CPZ: variants seen among roughly 807,000 people sequenced by gnomAD.
CPZ encodes carboxypeptidase Z.
CPZ carries 103 observed loss-of-function variants against 61.8 expected under a neutral mutation model. That is an observed-to-expected ratio of 1.67 (90% CI 1.42 to 1.96). CPZ has a LOEUF of 1.96. Among genes scored for constraint, CPZ ranks in the 30% most tolerant of loss-of-function variants. The pLI is 0.00. For missense variants in CPZ, 1,461 were observed against 914.9 expected, an observed-to-expected ratio of 1.60 and a Z score of -7.70; for synonymous variants, 551 against 373.7, an observed-to-expected ratio of 1.47 and a Z score of -5.47.
At chr4:8,596,404 C>A (rs1560288306) in intron 1 of CPZ, among the ~76,000 whole-genome samples, 2 of 152,242 alleles carry the variant, frequency 1.3e-5, no homozygotes, top group Admixed American at 1.3e-4. Context: ...CCCTGGCAAA[C>A]AAACCCACCC....
intron 9 of CPZ, 64 bp from the exon 10 acceptor site, chr4:8,618,365 G>T: frequency 1.3e-6 from 2 of 1,514,744 alleles, no homozygotes; most frequent in South Asian, 1.1e-5. Context: ...GGAACGAGCT[G>T]ACGGCCTCCA....
rs182183508 is a variant in CPZ, at chr4:8,604,568, G to A, written c.709+380G>A. ...ACGATCTCGGCTCACTGCAACCTCTGCCTCCTGGGTTCAAGCAATTCTCCT... is the reference window on the plus strand; with the variant it reads ...ACGATCTCGGCTCACTGCAACCTCTACCTCCTGGGTTCAAGCAATTCTCCT... On this transcript the variant is annotated intron_variant, in intron 4 of 10. Transcript: ENST00000360986. Among the ~76,000 whole-genome samples the A allele has an allele frequency of 2.4e-3, 370 of 152,260 alleles. 3 individuals are homozygous for A. The highest frequency in any genetic ancestry group is 8.5e-3 in the African/African-American group (352 of 41,544).
chr4:8,602,844 C>G (rs1398911115), intron 3 of CPZ: 2 of 152,254 alleles, frequency 1.3e-5, no homozygotes, highest in Non-Finnish European at 2.9e-5. Flanking sequence ...GCATGTCTTG[C>G]AGCCTCTGGC....
intron 7 of CPZ, among the ~76,000 whole-genome samples, chr4:8,609,685 T>C (rs527335347): frequency 1.3e-5 from 2 of 152,354 alleles, no homozygotes; most frequent in Admixed American, 1.3e-4. Flanking sequence ...CCAGTGTGTC[T>C]CAGCCTCAGA....
In CPZ at chr4:8,607,431, A is replaced by G. The variant is rs752554011; in HGVS notation, c.1227+6A>G. 43 of 1,613,614 alleles carry G rather than the reference A, an allele frequency of 2.7e-5. No individual in the cohort carries two copies. Among genetic ancestry groups the G allele is most frequent in the Non-Finnish European group, 3.6e-5 (43 of 1,179,804 alleles). The stretch of plus-strand genomic sequence containing the variant: ...CTCCCACGCCCGACGAGAAGGTGAG[A>G]GGGCTGTCGGGTGTGTGCAGGGGAG... On this transcript the variant is annotated splice_donor_region_variant and intron_variant, in intron 7 of 10. Transcript: ENST00000360986.
rs1469077742 is a variant in CPZ, at chr4:8,604,124, C to T, written c.645C>T (p.Arg215=). 2.5e-6 allele frequency: 4 copies of T among 1,597,540 alleles called. No individual in the cohort carries two copies. The Admixed American group carries it at 5.1e-5, about 20-fold the overall frequency. Residue 215 remains arginine (R), a synonymous_variant, in exon 4 of 11, where the codon CGC becomes CGT. Coordinates refer to ENST00000360986, the MANE Select transcript of CPZ (RefSeq NM_001014447.3). ...AHVARTYSIG[R]SFDGRELLVI... ...TGGCCAGGACCTACAGCATCGGGCG[C>T]AGCTTCGACGGCAGGGAGCTGCTGG...
At chr4:8,611,145 ACTC>A (rs913703164) in intron 7 of CPZ, 4 of 436,284 alleles carry the variant, frequency 9.2e-6, no homozygotes, top group Non-Finnish European at 1.9e-5. Context: ...AGTGTCCTCC[ACTC>A]CTCCTTTCTG....
rs550722890 is a variant in CPZ, at chr4:8,619,408, C to G, written c.1750C>G (p.Leu584Val). The stretch of plus-strand genomic sequence containing the variant: ...CCGTGTGGACTTCATTCTGCAACCT[C>G]TGGGGATGGGACCCAAGAACTTTAT... ...AGRVDFILQP[L>V]GMGPKNFIHG... The change falls in exon 11 of 11, where the codon CTG becomes GTG. Residue 584 changes from leucine to valine, a missense_variant. By Grantham distance (32) the Leu-to-Val change is conservative (BLOSUM62 1). Transcript: ENST00000360986. 138 of 1,614,158 alleles carry G rather than the reference C, an allele frequency of 8.5e-5. 1 individual carries two copies. The South Asian group carries it at 1.4e-3, about 17-fold the overall frequency.
At position 8,612,088 on chromosome 4, in the gene CPZ, A is replaced by G. The variant is rs1560300691; in HGVS notation, c.1289A>G (p.Glu430Gly). 1.2e-6 allele frequency: 2 copies of G among 1,612,454 alleles called. No homozygotes were observed. Among genetic ancestry groups the G allele is most frequent in the Non-Finnish European group, 1.7e-6 (2 of 1,179,222 alleles). The change falls in exon 8 of 11, where the codon GAG becomes GGG. Residue 430 changes from glutamate to glycine, a missense_variant. Physicochemically the swap from Glu to Gly is moderately conservative, Grantham distance 98. Transcript: ENST00000360986. ...CACCCCATGATGATGGACAGGTCGGAGAATAGGTGTGGAGGCAATTTCCTG... is the reference window on the plus strand; with the variant it reads ...CACCCCATGATGATGGACAGGTCGGGGAATAGGTGTGGAGGCAATTTCCTG... ...DVHPMMMDRSENRCGGNFLKR... is the reference protein window; with the variant it reads ...DVHPMMMDRSGNRCGGNFLKR...
At chr4:8,603,041 G>A (rs1256514570) in intron 3 of CPZ, 2 of 152,386 alleles carry the variant, frequency 1.3e-5, no homozygotes, top group Non-Finnish European at 2.9e-5. Flanking sequence ...AGCCCAAGGA[G>A]TCGGTTGGAG....
At position 8,606,018 on chromosome 4, in the gene CPZ, A is replaced by T. The variant is rs770867346; in HGVS notation, c.739A>T (p.Ile247Phe). 6.2e-7 allele frequency: 1 copy of T among 1,613,902 alleles called. No homozygotes were observed. The highest frequency in any genetic ancestry group is 2.2e-5 in the East Asian group (1 of 44,878). The change falls in exon 5 of 11, where the codon ATT (isoleucine) becomes TTT (phenylalanine). Residue 247 changes from isoleucine to phenylalanine, a missense_variant. By Grantham distance (21) the Ile-to-Phe change is conservative (BLOSUM62 0). Transcript: ENST00000360986. The part of the protein sequence containing the change: ...MEPEVKLIGN[I>F]HGNEVAGREM... Reference sequence around the variant, plus strand: ...GCCCGAGGTGAAGCTCATCGGCAACATTCATGGCAACGAGGTGGCGGGCCG... The same window carrying T: ...GCCCGAGGTGAAGCTCATCGGCAACTTTCATGGCAACGAGGTGGCGGGCCG...
At chr4:8,610,249 G>T (rs1015421651) in intron 7 of CPZ, among the ~76,000 whole-genome samples, 15 of 152,184 alleles carry the variant, frequency 9.9e-5, no homozygotes, top group African/African-American at 3.4e-4. Flanking sequence ...GCCCATGTGC[G>T]CCCAGCCTCT....
chr4:8,605,994 C>A lies in CPZ; in HGVS notation c.715C>A (p.Pro239Thr). The change falls in exon 5 of 11, where the codon CCC (proline) becomes ACC (threonine). Residue 239 changes from proline to threonine, a missense_variant. Coordinates refer to ENST00000360986, the MANE Select transcript of CPZ (RefSeq NM_001014447.3). ...GTCTCTGTATTTGCCCCCAGTGGAG[C>A]CCGAGGTGAAGCTCATCGGCAACAT... Reference protein sequence around the residue: ...SRPGQHELMEPEVKLIGNIHG... With the variant: ...SRPGQHELMETEVKLIGNIHG... 1 of 1,612,354 alleles carries A rather than the reference C, an allele frequency of 6.2e-7. No homozygotes were observed. Among genetic ancestry groups the A allele is most frequent in the Non-Finnish European group, 8.5e-7 (1 of 1,178,472 alleles).
chr4:8,611,238 C>G, intron 7 of CPZ: 1 of 456,244 alleles, frequency 2.2e-6, no homozygotes, highest in Non-Finnish European at 4.4e-6. Flanking sequence ...GAGCCCTTCG[C>G]CTGCCTGACC....
intron 7 of CPZ, chr4:8,611,368 G>A: frequency 1.1e-5 from 5 of 436,430 alleles, no homozygotes; most frequent in South Asian, 7.8e-5. Context: ...TCTGGGCTGG[G>A]AAGGGAAGCC....
Position 8,606,858 on chromosome 4 carries a change from G to GCGACCA in CPZ, c.1030_1035dup (p.Asp344_His345dup). On this transcript the variant is annotated inframe_insertion, in exon 6 of 11. Transcript: ENST00000360986. Reference sequence around the variant, plus strand: ...CTGGCGGAGACCCGCGGCGCACGCAGCGACCACATCCCCATCCCCCAGCAC... The same window carrying GCGACCA: ...CTGGCGGAGACCCGCGGCGCACGCAGCGACCACGACCACATCCCCATCCCCCAGCAC... 1 of 1,613,290 alleles carries GCGACCA rather than the reference G, an allele frequency of 6.2e-7. No homozygotes were observed. The highest frequency in any genetic ancestry group is 1.1e-5 in the South Asian group (1 of 91,058).
intron 4 of CPZ, among the ~76,000 whole-genome samples, chr4:8,605,730 A>C (rs867180310): frequency 1.4e-4 from 21 of 149,908 alleles, no homozygotes; most frequent in African/African-American, 4.8e-4. Flanking sequence ...CCATCAGTTA[A>C]ATTTGCATGA....
chr4:8,601,666 C>T (rs1714587189), intron 3 of CPZ, among the ~76,000 whole-genome samples, 169 bp downstream of exon 3: 2 of 152,148 alleles, frequency 1.3e-5, no homozygotes, highest in African/African-American at 4.8e-5. Flanking sequence ...CAAAAGGGTG[C>T]CAGGCAGGGT....
In CPZ at chr4:8,606,989, G is replaced by T. The variant is rs1715079630; in HGVS notation, c.1068+91G>T. On this transcript the variant is annotated intron_variant, in intron 6 of 10. Coordinates refer to ENST00000360986, the MANE Select transcript of CPZ (RefSeq NM_001014447.3). ...CTCTCTGGAGTTGTCCTTCCCTGGGGACAGGAGAGCCTGGTGCTCCCTCCC... is the reference window on the plus strand; with the variant it reads ...CTCTCTGGAGTTGTCCTTCCCTGGGTACAGGAGAGCCTGGTGCTCCCTCCC... The T allele has an allele frequency of 1.2e-5, 17 of 1,428,482 alleles. No homozygotes were observed. The South Asian group carries it at 2.0e-4, about 17-fold the overall frequency. The allele number at this position is 1,428,482 out of a possible 1,614,324, so 88.5% of individuals were successfully genotyped here. A position where few individuals can be genotyped will look rare whatever the true frequency, so the allele number is the denominator to read the frequency against.
Sources: gnomAD v4.1 joint callset for allele counts (sites outside exome capture counted in the v4.1 genomes callset) on GRCh38, gnomAD v4.1.1 for gene constraint, MANE v1.5 for transcripts, NCBI Gene and HGNC (gene_info 2026-07-23, HGNC 2026-07-21) for gene names.